PTPRQ: variants seen among roughly 807,000 people sequenced by gnomAD.
The protein encoded by PTPRQ is phosphatidylinositol phosphatase PTPRQ.
A neutral mutation model predicts 246.0 loss-of-function variants in PTPRQ; 199 were observed. That is an observed-to-expected ratio of 0.81 (90% confidence interval 0.72 to 0.91). The LOEUF is 0.91. Among genes scored for constraint, PTPRQ ranks in the 40% least tolerant of loss-of-function variants. PTPRQ has a pLI of 0.00. For missense variants in PTPRQ, 2,624 were observed against 2,528.4 expected (o/e 1.04, Z -0.81); for synonymous variants, 869 against 853.2 (o/e 1.02, Z -0.32).
chr12:80,481,054 A>G (rs374235182), intron 8 of PTPRQ, among the ~76,000 whole-genome samples: 6 of 152,068 alleles, frequency 3.9e-5, no homozygotes, highest in Admixed American at 6.6e-5. Flanking sequence ...TACCAAAGCC[A>G]GGCAGAGACA....
intron 25 of PTPRQ, among the ~76,000 whole-genome samples, chr12:80,564,045 C>T (rs1293424137): frequency 6.6e-6 from 1 of 150,830 alleles, no homozygotes; most frequent in Non-Finnish European, 1.5e-5. Flanking sequence ...TGTGCGTGTG[C>T]TTTTTAAATT....
intron 27 of PTPRQ, among the ~76,000 whole-genome samples, chr12:80,606,317 G>A (rs1490077707): frequency 6.6e-6 from 1 of 150,938 alleles, no homozygotes; most frequent in Non-Finnish European, 1.5e-5. Flanking sequence ...GATTCACTAT[G>A]GAATGTGCAA....
intron 14 of PTPRQ, among the ~76,000 whole-genome samples, chr12:80,501,942 C>CAAAAAA (rs10679738): frequency 6.8e-4 from 100 of 147,928 alleles, no homozygotes; most frequent in African/African-American, 9.9e-4. Flanking sequence ...GTATGATAGG[C>CAAAAAA]AAAAAAAAAT....
At chr12:80,465,973 C>G (rs1173727282) in intron 6 of PTPRQ, among the ~76,000 whole-genome samples, 1 of 152,142 alleles carries the variant, frequency 6.6e-6, no homozygotes, top group Admixed American at 6.5e-5. Flanking sequence ...TCTCACCACT[C>G]CTATTCAACA....
chr12:80,487,806 G>T (rs890971734), intron 9 of PTPRQ, among the ~76,000 whole-genome samples: 2 of 151,998 alleles, frequency 1.3e-5, no homozygotes, highest in African/African-American at 4.8e-5. Flanking sequence ...GTTTTCCATT[G>T]TTCCATAACA....
intron 36 of PTPRQ, 70 bp from the exon 37 acceptor site, chr12:80,649,518 C>T: frequency 4.0e-6 from 6 of 1,495,346 alleles, no homozygotes; most frequent in Non-Finnish European, 5.4e-6. Flanking sequence ...AAAAGTGAAG[C>T]CAGTGCCAAT....
At chr12:80,605,026 T>C (rs536275387) in intron 26 of PTPRQ, 33 bp from the exon 27 acceptor site, 2 of 1,521,758 alleles carry the variant, frequency 1.3e-6, no homozygotes, top group Admixed American at 2.1e-5. Flanking sequence ...CTAATTCTAA[T>C]GTAGCTAGAT....
rs1900894616 is a variant in PTPRQ, at chr12:80,669,391, G to A, written c.6380G>A (p.Gly2127Glu). The stretch of plus-strand genomic sequence containing the variant: ...GACAACAAGCCAGTTACTGTCTTTG[G>A]AGATATAGTGATTACAAAGCTAATG... ...PEDNKPVTVFGDIVITKLMED... is the reference protein window; with the variant it reads ...PEDNKPVTVFEDIVITKLMED... Residue 2127 changes from glycine to glutamate, a missense_variant, in exon 41 of 45, where the codon GGA (glycine) becomes GAA (glutamate). Coordinates refer to ENST00000644991, the MANE Select transcript of PTPRQ (RefSeq NM_001145026.2). 1 of 1,549,592 alleles carries A rather than the reference G, an allele frequency of 6.5e-7. No individual in the cohort carries two copies. Among genetic ancestry groups the A allele is most frequent in the Non-Finnish European group, 8.7e-7 (1 of 1,145,898 alleles).
chr12:80,524,733 G>A (rs4346027), intron 17 of PTPRQ, among the ~76,000 whole-genome samples: 53,575 of 151,930 alleles, frequency 0.35, 11,785 homozygotes, highest in African/African-American at 0.62. Flanking sequence ...AAATACCACA[G>A]AGAAAAGAAT....
At chr12:80,491,272 A>G (rs984443500) in intron 9 of PTPRQ, among the ~76,000 whole-genome samples, 2 of 151,960 alleles carry the variant, frequency 1.3e-5, no homozygotes, top group African/African-American at 4.8e-5. Flanking sequence ...AGTTCATTCT[A>G]TAGTGCTTTG....
chr12:80,452,462 G>T (rs1418485310), intron 3 of PTPRQ, among the ~76,000 whole-genome samples: 2 of 152,186 alleles, frequency 1.3e-5, no homozygotes, highest in Non-Finnish European at 2.9e-5. Flanking sequence ...TCCTAGCCTT[G>T]ATGGTCTTTA....
In PTPRQ at chr12:80,620,204, G is replaced by A. The variant is rs1429747688; in HGVS notation, c.5440G>A (p.Ala1814Thr). 9 of 1,548,876 alleles carry A rather than the reference G, an allele frequency of 5.8e-6. No individual in the cohort carries two copies. Among genetic ancestry groups the A allele is most frequent in the Non-Finnish European group, 7.9e-6 (9 of 1,145,196 alleles). Residue 1814 changes from alanine (A) to threonine (T), a missense_variant, in exon 32 of 45, where the codon GCA (alanine) becomes ACA (threonine). Ala to Thr is a moderately conservative substitution (Grantham distance 58). Transcript: ENST00000644991. The stretch of plus-strand genomic sequence containing the variant: ...GTGGTATGATGCATATTTTAATAAA[G>A]CAAGGCCATATTTTACAAATGAAGG... Reference protein sequence around the residue: ...TKWYDAYFNKARPYFTNEGFP... With the variant: ...TKWYDAYFNKTRPYFTNEGFP...
At chr12:80,551,267 C>T (rs1029345334) in intron 25 of PTPRQ, among the ~76,000 whole-genome samples, 3 of 151,966 alleles carry the variant, frequency 2.0e-5, no homozygotes, top group Non-Finnish European at 4.4e-5. Flanking sequence ...TCCATTGGAC[C>T]CCAAGCCTCA....
At chr12:80,658,910 A>G (rs1900537144) in intron 39 of PTPRQ, among the ~76,000 whole-genome samples, 1 of 152,016 alleles carries the variant, frequency 6.6e-6, no homozygotes, top group East Asian at 1.9e-4. Flanking sequence ...TTGTTATATG[A>G]CGTTCCACCC....
chr12:80,625,599 TAA>T (rs1416507791), intron 33 of PTPRQ, among the ~76,000 whole-genome samples: 5 of 152,142 alleles, frequency 3.3e-5, no homozygotes, highest in African/African-American at 1.2e-4. Flanking sequence ...TAAAAATGTT[TAA>T]GTTTAGTGAA....
chr12:80,643,259 A>C (rs1899953931), intron 35 of PTPRQ, among the ~76,000 whole-genome samples: 1 of 151,938 alleles, frequency 6.6e-6, no homozygotes, highest in African/African-American at 2.4e-5. Context: ...CCAACATGGC[A>C]AAATCCCGTC....
At chr12:80,673,931 A>T (rs1016172773) in intron 43 of PTPRQ, among the ~76,000 whole-genome samples, 6 of 152,122 alleles carry the variant, frequency 3.9e-5, no homozygotes, top group African/African-American at 1.4e-4. Flanking sequence ...CAGGAGCTAT[A>T]CTAGACCCTT....
At chr12:80,460,165 T>C (rs1565718517) in intron 5 of PTPRQ, among the ~76,000 whole-genome samples, 2 of 152,212 alleles carry the variant, frequency 1.3e-5, no homozygotes, top group African/African-American at 2.4e-5. Context: ...GTAAATACTT[T>C]ATAAAAGTCT....
chr12:80,636,739 C>T (rs1899668118), intron 35 of PTPRQ, among the ~76,000 whole-genome samples: 1 of 152,064 alleles, frequency 6.6e-6, no homozygotes, highest in African/African-American at 2.4e-5. Flanking sequence ...CTTAGTAGCC[C>T]GTGAAAAATC....
Sources: gnomAD v4.1 joint callset for allele counts (sites outside exome capture counted in the v4.1 genomes callset) on GRCh38, gnomAD v4.1.1 for gene constraint, MANE v1.5 for transcripts, NCBI Gene and HGNC (gene_info 2026-07-23, HGNC 2026-07-21) for gene names.